CA1: variants seen among roughly 807,000 people sequenced by gnomAD.
CA1 encodes the protein carbonic anhydrase 1, also known as carbonate dehydratase I.
Under a neutral mutation model 28.8 loss-of-function variants are expected in CA1, and 27 were observed. The ratio of observed to expected loss-of-function variants is 0.94; its 90% CI spans 0.69 to 1.29. The LOEUF (loss-of-function observed/expected upper bound fraction) is 1.29, where lower values mean the gene tolerates loss of function less well. CA1 is among the 50% of genes most tolerant of loss of function. The pLI is 0.00. For missense variants in CA1, 335 were observed against 310.5 expected (o/e 1.08, Z -0.59); for synonymous variants, 121 against 108.8 (o/e 1.11, Z -0.70).
chr8:85,337,974 T>C (rs974763481), intron 3 of CA1: 22 of 550,364 alleles, frequency 4.0e-5, no homozygotes, highest in Non-Finnish European at 7.0e-5. Context: ...ATGCTGTTTA[T>C]TCAGAGACAG....
At chr8:85,341,861 G>A (rs987945115) in intron 1 of CA1, 1 of 460,848 alleles carries the variant, frequency 2.2e-6, no homozygotes, top group Non-Finnish European at 3.9e-6. Flanking sequence ...AGTTTCAATT[G>A]CTTAATTTTC....
At chr8:85,350,113 C>T (rs1046306558) in intron 1 of CA1, among the ~76,000 whole-genome samples, 36 of 152,094 alleles carry the variant, frequency 2.4e-4, no homozygotes, top group African/African-American at 8.4e-4. Context: ...AATTTTTTTT[C>T]AAGTTGCTCC....
chr8:85,356,640 G>A (rs1036348733), intron 1 of CA1, among the ~76,000 whole-genome samples: 2 of 152,006 alleles, frequency 1.3e-5, no homozygotes, highest in African/African-American at 4.8e-5. Context: ...GAATACCAAC[G>A]CTTCTGAAAA....
At chr8:85,351,076 A>T (rs1299204885) in intron 1 of CA1, among the ~76,000 whole-genome samples, 2 of 152,074 alleles carry the variant, frequency 1.3e-5, no homozygotes, top group Non-Finnish European at 2.9e-5. Context: ...ACACTTTTTT[A>T]TCCACATTTA....
At chr8:85,343,893 CT>C (rs1342676814) in intron 1 of CA1, among the ~76,000 whole-genome samples, 1 of 151,366 alleles carries the variant, frequency 6.6e-6, no homozygotes, top group African/African-American at 2.4e-5. Flanking sequence ...CTTTATCCTT[CT>C]TTTTCTGCTT....
intron 1 of CA1, among the ~76,000 whole-genome samples, chr8:85,357,757 G>T (rs976639819): frequency 6.6e-6 from 1 of 152,172 alleles, no homozygotes; most frequent in Non-Finnish European, 1.5e-5. Flanking sequence ...AGTCAGGGAA[G>T]TTCCAAAGAG....
chr8:85,332,698 G>C, intron 5 of CA1, 146 bp from the exon 6 acceptor site: 1 of 671,174 alleles, frequency 1.5e-6, no homozygotes, highest in Non-Finnish European at 2.7e-6. Context: ...TTTTCAAGCT[G>C]TATGTCTTTG....
intron 3 of CA1, among the ~76,000 whole-genome samples, chr8:85,337,783 C>A (rs1585922165): frequency 2.0e-5 from 3 of 152,210 alleles, no homozygotes; most frequent in Admixed American, 2.0e-4. Flanking sequence ...ATTCAATAAA[C>A]CTTCATGAAA....
chr8:85,337,923 T>C, intron 3 of CA1: 1 of 411,794 alleles, frequency 2.4e-6, no homozygotes. Flanking sequence ...TTTTTAGTTG[T>C]TATATTTGTA....
At chr8:85,336,080 A>G (rs1235603256) in intron 4 of CA1, among the ~76,000 whole-genome samples, 1 of 152,212 alleles carries the variant, frequency 6.6e-6, no homozygotes, top group Non-Finnish European at 1.5e-5. Flanking sequence ...TTGTTCATCA[A>G]TAGAAGGCAG....
At chr8:85,342,936 T>C (rs1174658225) in intron 1 of CA1, 8 of 152,174 alleles carry the variant, frequency 5.3e-5, no homozygotes. Context: ...GAGTGGGCTG[T>C]GGTCATGAAC....
chr8:85,331,533 T>G (rs554887117), intron 6 of CA1, among the ~76,000 whole-genome samples: 86 of 152,254 alleles, frequency 5.6e-4, no homozygotes, highest in Non-Finnish European at 1.1e-3. Flanking sequence ...CTCGGCTCAC[T>G]GCAACCTCCA....
At chr8:85,355,678 G>T (rs1809579333) in intron 1 of CA1, among the ~76,000 whole-genome samples, 1 of 151,142 alleles carries the variant, frequency 6.6e-6, no homozygotes, top group Non-Finnish European at 1.5e-5. Context: ...GGGCATTATA[G>T]GCATGAGCCA....
chr8:85,373,207 G>A (rs575457790), intron 1 of CA1, among the ~76,000 whole-genome samples: 28 of 152,278 alleles, frequency 1.8e-4, no homozygotes, highest in African/African-American at 5.3e-4. Flanking sequence ...TCGTTAAGAC[G>A]GAAAAGACAT....
intron 1 of CA1, among the ~76,000 whole-genome samples, chr8:85,372,166 G>A (rs1810252214): frequency 6.6e-6 from 1 of 152,098 alleles, no homozygotes; most frequent in African/African-American, 2.4e-5. Context: ...ATGGACGATG[G>A]ACCATATGCC....
intron 1 of CA1, among the ~76,000 whole-genome samples, chr8:85,365,058 T>A (rs757152938): frequency 5.9e-5 from 9 of 152,166 alleles, no homozygotes; most frequent in Non-Finnish European, 1.2e-4. Flanking sequence ...GGGCAGGGGC[T>A]TAAGAGGAGG....
intron 4 of CA1, among the ~76,000 whole-genome samples, chr8:85,335,561 A>G (rs187696029): frequency 6.6e-6 from 1 of 152,244 alleles, no homozygotes; most frequent in East Asian, 1.9e-4. Context: ...TTGCCTCTCA[A>G]ACCTATTGTC....
At chr8:85,373,823 A>G (rs1810317170) in intron 1 of CA1, among the ~76,000 whole-genome samples, 1 of 152,228 alleles carries the variant, frequency 6.6e-6, no homozygotes, top group African/African-American at 2.4e-5. Flanking sequence ...GAAATAAGCC[A>G]TATACAAAGG....
intron 4 of CA1, among the ~76,000 whole-genome samples, chr8:85,334,847 G>A (rs188120568): frequency 2.4e-4 from 36 of 152,104 alleles, no homozygotes; most frequent in Admixed American, 1.2e-3. Flanking sequence ...AAAATTAGCC[G>A]GGTGTGGTGG....
Sources: gnomAD v4.1 joint callset for allele counts (sites outside exome capture counted in the v4.1 genomes callset) on GRCh38, gnomAD v4.1.1 for gene constraint, MANE v1.5 for transcripts, NCBI Gene and HGNC (gene_info 2026-07-23, HGNC 2026-07-21) for gene names.